Variants in DUSP8 observed in about 807,000 individuals in gnomAD.
DUSP8 encodes dual specificity phosphatase 8.
Under a neutral mutation model 38.7 loss-of-function variants are expected in DUSP8, and 15 were observed. The ratio of observed to expected loss-of-function variants is 0.39; its 90% CI spans 0.26 to 0.60. The LOEUF is 0.60. DUSP8 is among the 20% of genes least tolerant of loss of function. The pLI is 0.56. For synonymous variants in DUSP8, 458 were observed against 433.9 expected (o/e 1.06, Z -0.69); for missense variants, 768 against 915.0 (o/e 0.84, Z 2.07).
intron 2 of DUSP8, among the ~76,000 whole-genome samples, chr11:1,565,030 C>G (rs991106464): frequency 6.6e-6 from 1 of 152,246 alleles, no homozygotes; most frequent in East Asian, 1.9e-4. Flanking sequence ...AATGAGCTGT[C>G]CTTCCCCAGA....
Position 1,555,302 on chromosome 11 carries a change from G to C in DUSP8, c.*1216C>G. On this transcript the variant is annotated 3_prime_UTR_variant, in exon 7 of 7. Transcript: ENST00000397374. ...TTTCTCTCCTGAGCGGCCCCATGGG[G>C]GTGGGGGCAAACGAGGGGGCTTTAC... 1.0e-6 allele frequency: 1 copy of C among 987,838 alleles called. No individual in the cohort carries two copies. Among genetic ancestry groups the C allele is most frequent in the South Asian group, 4.7e-5 (1 of 21,380 alleles). 61.2% of individuals were successfully genotyped at this position (987,838 alleles called of 1,614,324 possible). A position where few individuals can be genotyped will look rare whatever the true frequency, so the allele number is the denominator to read the frequency against.
chr11:1,565,997 C>T lies in DUSP8; in HGVS notation c.-108-63G>A, dbSNP rs529200328. ...CCCTGGGTGGCACCCAGAAGCTCCC[C>T]AGGACAGATCAGAGCTGGGAGCTGC... On this transcript the variant is annotated intron_variant, in intron 1 of 6. Transcript: ENST00000397374. The T allele has an allele frequency of 2.4e-4, 146 of 606,558 alleles. 1 individual carries two copies. The highest frequency in any genetic ancestry group is 2.2e-3 in the Middle Eastern group (5 of 2,260). 37.6% of individuals were successfully genotyped at this position (606,558 alleles called of 1,614,324 possible). A position where few individuals can be genotyped will look rare whatever the true frequency, so the allele number is the denominator to read the frequency against.
chr11:1,564,627 C>T (rs771355281), intron 2 of DUSP8, among the ~76,000 whole-genome samples: 2 of 152,210 alleles, frequency 1.3e-5, no homozygotes, highest in East Asian at 3.9e-4. Context: ...AGCACCGGTG[C>T]CCCCGCCCTG....
In DUSP8 at chr11:1,556,956, G is replaced by T; in HGVS notation, c.1440C>A (p.Ala480=). 4.7e-6 allele frequency: 5 copies of T among 1,066,534 alleles called. No individual in the cohort carries two copies. Among genetic ancestry groups the T allele is most frequent in the Non-Finnish European group, 5.7e-6 (5 of 883,812 alleles). 66.1% of individuals were successfully genotyped at this position (1,066,534 alleles called of 1,614,324 possible). ...AGAGGCCGTGCCGCGGAGTCTGCCG[G>T]GCCGCATCGCCGAAGTTCAGGCCGA... is the stretch of plus-strand genomic sequence containing the variant. ...HSLGLNFGDA[A]RQTPRHGLSA... The change falls in exon 7 of 7, where the codon GCC becomes GCA. Residue 480 remains alanine, a synonymous_variant. Coordinates refer to ENST00000397374, the MANE Select transcript of DUSP8 (RefSeq NM_004420.3). This position sits in a 1 kb window ranked among gnomAD's most constrained non-coding sequence, Gnocchi z 5.2.
rs1590801189 is a variant in DUSP8, at chr11:1,557,997, G to A, written c.698-80C>T. On this transcript the variant is annotated intron_variant, in intron 5 of 6. Transcript: ENST00000397374. This position sits in a 1 kb window ranked among gnomAD's most constrained non-coding sequence, Gnocchi z 9.9. ...CTGGCCCAGGTAGGGGACCCCACCC[G>A]CCCAACTGCCAACAGTTCCGGCTAC... 16 of 1,609,530 alleles carry A rather than the reference G, an allele frequency of 9.9e-6. No homozygotes were observed. Among genetic ancestry groups the A allele is most frequent in the East Asian group, 2.2e-5 (1 of 44,822 alleles).
Position 1,556,335 on chromosome 11 carries a change from C to G in DUSP8, c.*183G>C. 1.3e-6 allele frequency: 1 copy of G among 776,356 alleles called. No individual in the cohort carries two copies. The allele number at this position is 776,356 out of a possible 1,614,324, so 48.1% of individuals were successfully genotyped here. A position where few individuals can be genotyped will look rare whatever the true frequency, so the allele number is the denominator to read the frequency against. The stretch of plus-strand genomic sequence containing the variant: ...AATACCAGACAGTAAAAATAGAGCT[C>G]GAGGACCACCCGCACTGTTGCCAAA... On this transcript the variant is annotated 3_prime_UTR_variant, in exon 7 of 7. Transcript: ENST00000397374. The surrounding 1 kb of genome is among the most constrained non-coding windows in gnomAD (Gnocchi z 5.2).
rs548069828 is a variant in DUSP8 at position 1,554,841 on chromosome 11, A to G, written c.*1677T>C. ...TAATAAATACTTAAACCTCTAATCCATAGATTGCAAATACAACGATAGCTT... is the reference window on the plus strand; with the variant it reads ...TAATAAATACTTAAACCTCTAATCCGTAGATTGCAAATACAACGATAGCTT... On this transcript the variant is annotated 3_prime_UTR_variant, in exon 7 of 7. Transcript: ENST00000397374. 14 of 700,950 alleles carry G rather than the reference A, an allele frequency of 2.0e-5. No homozygotes were observed. Among genetic ancestry groups the G allele is most frequent in the Non-Finnish European group, 2.5e-5 (14 of 569,790 alleles). 43.4% of individuals were successfully genotyped at this position (700,950 alleles called of 1,614,324 possible). A position where few individuals can be genotyped will look rare whatever the true frequency, so the allele number is the denominator to read the frequency against.
chr11:1,561,745 G>A lies in DUSP8; in HGVS notation c.370+2106C>T, dbSNP rs1170831445. 2.0e-5 allele frequency among the ~76,000 whole-genome samples: 3 copies of A among 152,362 alleles called. No homozygotes were observed. The East Asian group carries it at 5.8e-4, about 29-fold the overall frequency. ...CTACTGTCCCTGCAAATGGACCAAG[G>A]AGCTGTGTTGCCTGTGCCGCGGGAT... On this transcript the variant is annotated intron_variant, in intron 3 of 6. Coordinates refer to ENST00000397374, the MANE Select transcript of DUSP8 (RefSeq NM_004420.3).
In DUSP8 at chr11:1,557,616, A is replaced by G; in HGVS notation, c.822-42T>C. 6 of 1,496,458 alleles carry G rather than the reference A, an allele frequency of 4.0e-6. No individual in the cohort carries two copies. Among genetic ancestry groups the G allele is most frequent in the Non-Finnish European group, 4.4e-6 (5 of 1,127,030 alleles). 92.7% of individuals were successfully genotyped at this position (1,496,458 alleles called of 1,614,324 possible). A position where few individuals can be genotyped will look rare whatever the true frequency, so the allele number is the denominator to read the frequency against. ...TCAGTCCCAGGCGCCCGCCGGGGCC[A>G]GGCTGCCCACCTGACGCACCCGCTG... On this transcript the variant is annotated intron_variant, in intron 6 of 6. Coordinates refer to ENST00000397374, the MANE Select transcript of DUSP8 (RefSeq NM_004420.3). This position sits in a 1 kb window ranked among gnomAD's most constrained non-coding sequence, Gnocchi z 9.9.
Position 1,556,683 on chromosome 11 carries a change from G to T in DUSP8, c.1713C>A (p.Thr571=), listed in dbSNP as rs1293051686. The T allele has an allele frequency of 7.5e-7, 1 of 1,325,156 alleles. No individual in the cohort carries two copies. The highest frequency in any genetic ancestry group is 2.0e-5 in the South Asian group (1 of 48,798). The allele number at this position is 1,325,156 out of a possible 1,614,324, so 82.1% of individuals were successfully genotyped here. ...AARAEPRDAR[T]GWPEEPAPET... ...CCGGGGCCGGCTCCTCGGGCCAGCC[G>T]GTCCGCGCGTCCCGGGGCTCAGCCC... Residue 571 remains threonine (T), a synonymous_variant, in exon 7 of 7, where the codon ACC becomes ACA. Transcript: ENST00000397374. The surrounding 1 kb of genome is among the most constrained non-coding windows in gnomAD (Gnocchi z 5.2).
rs1848658061 is a variant in DUSP8 at position 1,557,703 on chromosome 11, T to C, written c.821+91A>G. On this transcript the variant is annotated intron_variant, in intron 6 of 6. Coordinates refer to ENST00000397374, the MANE Select transcript of DUSP8 (RefSeq NM_004420.3). This position sits in a 1 kb window ranked among gnomAD's most constrained non-coding sequence, Gnocchi z 9.9. ...GGCCCTCCTCCCTTGCCACGGGTCC[T>C]GGACGGTGGGGTCATTCTGGTGCAA... is the stretch of plus-strand genomic sequence containing the variant. 1 of 1,590,900 alleles carries C rather than the reference T, an allele frequency of 6.3e-7. No homozygotes were observed. The highest frequency in any genetic ancestry group is 8.6e-7 in the Non-Finnish European group (1 of 1,168,794).
chr11:1,554,552 G>A lies in DUSP8; in HGVS notation c.*1966C>T, dbSNP rs1848592535. The A allele has an allele frequency of 2.5e-5, 19 of 756,166 alleles. No homozygotes were observed. The highest frequency in any genetic ancestry group is 1.2e-4 in the South Asian group (2 of 16,974). 46.8% of individuals were successfully genotyped at this position (756,166 alleles called of 1,614,324 possible). A position where few individuals can be genotyped will look rare whatever the true frequency, so the allele number is the denominator to read the frequency against. On this transcript the variant is annotated 3_prime_UTR_variant, in exon 7 of 7. Transcript: ENST00000397374. ...CCCCCCTGCTGGCTGCTCACTTTGCGGTAACCAGTGCCTCAAGAGTGGGAG... is the reference window on the plus strand; with the variant it reads ...CCCCCCTGCTGGCTGCTCACTTTGCAGTAACCAGTGCCTCAAGAGTGGGAG...
In DUSP8 at chr11:1,557,691, T is replaced by C; in HGVS notation, c.821+103A>G. The C allele has an allele frequency of 2.5e-6, 4 of 1,573,340 alleles. No homozygotes were observed. The highest frequency in any genetic ancestry group is 3.5e-6 in the Non-Finnish European group (4 of 1,158,302). ...AGGCTGGTCTCAGGCCCTCCTCCCT[T>C]GCCACGGGTCCTGGACGGTGGGGTC... is the stretch of plus-strand genomic sequence containing the variant. On this transcript the variant is annotated intron_variant, in intron 6 of 6. Coordinates refer to ENST00000397374, the MANE Select transcript of DUSP8 (RefSeq NM_004420.3). This position sits in a 1 kb window ranked among gnomAD's most constrained non-coding sequence, Gnocchi z 9.9.
At chr11:1,559,897 T>G (rs1848691969) in intron 3 of DUSP8, among the ~76,000 whole-genome samples, 1 of 152,174 alleles carries the variant, frequency 6.6e-6, no homozygotes, top group Non-Finnish European at 1.5e-5. Context: ...TCTGACTCAG[T>G]GACCATGGGT....
chr11:1,557,966 T>A lies in DUSP8; in HGVS notation c.698-49A>T, dbSNP rs1438393930. 1 of 1,612,332 alleles carries A rather than the reference T, an allele frequency of 6.2e-7. No individual in the cohort carries two copies. Among genetic ancestry groups the A allele is most frequent in the African/African-American group, 1.3e-5 (1 of 74,898 alleles). ...CAGGTGAGGGCTAAGACTGCACAGC[T>A]TCTCCCTGGCCCAGGTAGGGGACCC... On this transcript the variant is annotated intron_variant, in intron 5 of 6. Coordinates refer to ENST00000397374, the MANE Select transcript of DUSP8 (RefSeq NM_004420.3). The surrounding 1 kb of genome is among the most constrained non-coding windows in gnomAD (Gnocchi z 9.9).
chr11:1,557,464 C>T lies in DUSP8; in HGVS notation c.932G>A (p.Gly311Asp), dbSNP rs773039099. 2.6e-6 allele frequency: 4 copies of T among 1,561,882 alleles called. No individual in the cohort carries two copies. In the African/African-American group the frequency reaches 5.5e-5, roughly 21 times the overall value. The change falls in exon 7 of 7, where the codon GGC becomes GAC. Residue 311 changes from glycine to aspartate, a missense_variant. By Grantham distance (94) the Gly-to-Asp change is moderately conservative. Transcript: ENST00000397374. The surrounding 1 kb of genome is among the most constrained non-coding windows in gnomAD (Gnocchi z 9.9). Reference sequence around the variant, plus strand: ...AGGCTCCGGCGTCCCTGAGGGGGTGCCCGGGTCGCCCTGCAGGGCGGCCAG... The same window carrying T: ...AGGCTCCGGCGTCCCTGAGGGGGTGTCCGGGTCGCCCTGCAGGGCGGCCAG... ...KLLAALQGDP[G>D]TPSGTPEPPP...
At position 1,555,724 on chromosome 11, in the gene DUSP8, C is replaced by T; in HGVS notation, c.*794G>A. On this transcript the variant is annotated 3_prime_UTR_variant, in exon 7 of 7. Transcript: ENST00000397374. ...CTCTAGGAATGGCCTTTCTGAGCCA[C>T]TCTGTGGCTGGACTGGGGCTCTGGC... 1 of 152,840 alleles carries T rather than the reference C, an allele frequency of 6.5e-6. No individual in the cohort carries two copies. Among genetic ancestry groups the T allele is most frequent in the Non-Finnish European group, 1.5e-5 (1 of 68,468 alleles). 9.5% of individuals were successfully genotyped at this position (152,840 alleles called of 1,614,324 possible).
At position 1,559,062 on chromosome 11, in the gene DUSP8, G is replaced by A. The variant is rs1025338437; in HGVS notation, c.371-7C>T. On this transcript the variant is annotated splice_polypyrimidine_tract_variant and splice_region_variant and intron_variant, in intron 3 of 6. Coordinates refer to ENST00000397374, the MANE Select transcript of DUSP8 (RefSeq NM_004420.3). ...GAGAAGGTGGCGAAGCCCCCTGTAG[G>A]AGGAGGGCCGTCAAGTGGGTTGAGA... The A allele has an allele frequency of 1.1e-5, 17 of 1,607,990 alleles. No individual in the cohort carries two copies. Among genetic ancestry groups the A allele is most frequent in the Non-Finnish European group, 1.3e-5 (15 of 1,178,962 alleles).
Position 1,555,125 on chromosome 11 carries a change from C to T in DUSP8, c.*1393G>A, listed in dbSNP as rs531482104. ...ACAGTGACTGGCCCCACTCCTAGAC[C>T]CTAGGACATCTGAAGGGCAGGGGTC... is the stretch of plus-strand genomic sequence containing the variant. On this transcript the variant is annotated 3_prime_UTR_variant, in exon 7 of 7. Transcript: ENST00000397374. 46 of 987,746 alleles carry T rather than the reference C, an allele frequency of 4.7e-5. 1 individual carries two copies. The Admixed American group carries it at 8.6e-4, about 18-fold the overall frequency. 61.2% of individuals were successfully genotyped at this position (987,746 alleles called of 1,614,324 possible). A position where few individuals can be genotyped will look rare whatever the true frequency, so the allele number is the denominator to read the frequency against.
Sources: allele counts gnomAD v4.1 joint callset (sites outside exome capture counted in the v4.1 genomes callset), GRCh38; gene constraint gnomAD v4.1.1; non-coding constraint Gnocchi (gnomAD v3.1); transcripts MANE v1.5; gene names NCBI Gene and HGNC (gene_info 2026-07-23, HGNC 2026-07-21).